The following MPPED1 variants were observed in gnomAD, a reference collection of about 807,000 sequenced individuals.
MPPED1 encodes metallophosphoesterase domain-containing protein 1.
MPPED1 carries 16 observed loss-of-function variants against 36.2 expected under a neutral mutation model. The ratio of observed to expected loss-of-function variants is 0.44; its 90% confidence interval spans 0.30 to 0.67. The LOEUF (loss-of-function observed/expected upper bound fraction) is 0.67. Among genes scored for constraint, MPPED1 ranks in the 30% least tolerant of loss-of-function variants. The pLI, the probability that MPPED1 is intolerant of heterozygous loss-of-function variation, is 0.10. For missense variants in MPPED1, 307 were observed against 453.4 expected (o/e 0.68, Z 2.93); for synonymous variants, 199 against 191.3 (o/e 1.04, Z -0.33).
At chr22:43,462,987 T>A (rs896590905) in intron 3 of MPPED1, among the ~76,000 whole-genome samples, 1 of 152,234 alleles carries the variant, frequency 6.6e-6, no homozygotes, top group Non-Finnish European at 1.5e-5. Flanking sequence ...AGATCTTTAT[T>A]CTGTCCTGTC....
chr22:43,464,940 C>T (rs926177223), intron 3 of MPPED1, among the ~76,000 whole-genome samples: 18 of 152,206 alleles, frequency 1.2e-4, no homozygotes, highest in Non-Finnish European at 2.2e-4. Flanking sequence ...TTCAGAATCC[C>T]GTCCTATACA....
chr22:43,469,593 T>C (rs1931296636), intron 3 of MPPED1, among the ~76,000 whole-genome samples: 1 of 115,564 alleles, frequency 8.7e-6, no homozygotes, highest in South Asian at 2.9e-4. Flanking sequence ...GGTCAGGCCA[T>C]GCTGGGACTT....
chr22:43,422,538 G>A (rs530774275), intron 1 of MPPED1, among the ~76,000 whole-genome samples: 1 of 152,298 alleles, frequency 6.6e-6, no homozygotes, highest in Non-Finnish European at 1.5e-5. Context: ...AAGTAGAGAT[G>A]TGATGTGGTC....
At chr22:43,497,529 G>A (rs1932458239) in intron 4 of MPPED1, among the ~76,000 whole-genome samples, 1 of 152,068 alleles carries the variant, frequency 6.6e-6, no homozygotes, top group African/African-American at 2.4e-5. Flanking sequence ...GAGACTGCCT[G>A]CAATTGGAAG....
intron 4 of MPPED1, among the ~76,000 whole-genome samples, chr22:43,481,283 A>G (rs771939050): frequency 2.6e-5 from 4 of 152,142 alleles, no homozygotes; most frequent in Admixed American, 6.5e-5. Context: ...TAGAAAGCCT[A>G]TCCTCTTTAC....
chr22:43,486,715 G>C (rs942953555), intron 4 of MPPED1, among the ~76,000 whole-genome samples: 1 of 151,980 alleles, frequency 6.6e-6, no homozygotes, highest in Non-Finnish European at 1.5e-5. Context: ...CCTGCACCCC[G>C]GGAAATGGGG....
intron 3 of MPPED1, among the ~76,000 whole-genome samples, chr22:43,444,764 C>T (rs544412835): frequency 6.6e-6 from 1 of 151,724 alleles, no homozygotes; most frequent in African/African-American, 2.4e-5. Context: ...AGATTCATTT[C>T]TCTGAAAGTC....
At chr22:43,414,441 A>G (rs920679280) in intron 1 of MPPED1, among the ~76,000 whole-genome samples, 3 of 152,188 alleles carry the variant, frequency 2.0e-5, no homozygotes, top group African/African-American at 7.2e-5. Flanking sequence ...CTGGAAAAAA[A>G]GAAAACCCTC....
rs1463200938 is a variant in MPPED1 at position 43,498,309 on chromosome 22, C to T, written c.707C>T (p.Pro236Leu). The T allele has an allele frequency of 6.5e-7, 1 of 1,535,404 alleles. No individual in the cohort carries two copies. Among genetic ancestry groups the T allele is most frequent in the South Asian group, 1.2e-5 (1 of 84,036 alleles). Reference sequence around the variant, plus strand: ...CTGCTGGAGAAATGGAACCTCATTCCCGAAGGCGTAGACATCCTGATAACC... The same window carrying T: ...CTGCTGGAGAAATGGAACCTCATTCTCGAAGGCGTAGACATCCTGATAACC... Reference protein sequence around the residue: ...QALLEKWNLIPEGVDILITHG... With the variant: ...QALLEKWNLILEGVDILITHG... The change falls in exon 5 of 7, where the codon CCC (proline) becomes CTC (leucine). Residue 236 changes from proline to leucine, a missense_variant. Physicochemically the swap from Pro to Leu is moderately conservative, Grantham distance 98. Transcript: ENST00000443721.
chr22:43,447,883 A>ATATATATTT lies in MPPED1; in HGVS notation c.406+12669_406+12670insATATATTTT, dbSNP rs1321289636. On this transcript the variant is annotated intron_variant, in intron 3 of 6. Transcript: ENST00000443721. Reference sequence around the variant, plus strand: ...ATTATATATATATATATATATATATATTTTTTTTTTTTTTAGACAAAGTCT... The same window carrying ATATATATTT: ...ATTATATATATATATATATATATATATATATATTTTTTTTTTTTTTTTTAGACAAAGTCT... Among the ~76,000 whole-genome samples the ATATATATTT allele has an allele frequency of 2.4e-3, 162 of 67,704 alleles. 1 individual carries two copies. The highest frequency in any genetic ancestry group is 7.3e-3 in the African/African-American group (109 of 14,938). 44.4% of individuals were successfully genotyped at this position (67,704 alleles called of 152,430 possible).
intron 5 of MPPED1, among the ~76,000 whole-genome samples, chr22:43,500,620 A>AT (rs1199732373): frequency 1.3e-5 from 2 of 151,588 alleles, no homozygotes; most frequent in African/African-American, 2.4e-5. Flanking sequence ...AGTTCGGCCC[A>AT]TATCAGTGTC....
chr22:43,458,994 T>A (rs531349104), intron 3 of MPPED1, among the ~76,000 whole-genome samples: 2 of 152,342 alleles, frequency 1.3e-5, no homozygotes, highest in South Asian at 2.1e-4. Context: ...TGTTTGGAGT[T>A]ACTTGAAGTT....
intron 1 of MPPED1, among the ~76,000 whole-genome samples, chr22:43,424,054 G>A (rs957563722): frequency 7.2e-5 from 11 of 152,138 alleles, no homozygotes; most frequent in Non-Finnish European, 1.3e-4. Flanking sequence ...CCCAAGGTGG[G>A]GTCGGTTGGA....
chr22:43,487,951 C>T (rs1208004219), intron 4 of MPPED1, among the ~76,000 whole-genome samples: 1 of 152,308 alleles, frequency 6.6e-6, no homozygotes, highest in East Asian at 1.9e-4. Context: ...ACATTTTCAT[C>T]ACTCTGGGAT....
At chr22:43,453,492 T>C (rs894432170) in intron 3 of MPPED1, among the ~76,000 whole-genome samples, 3 of 152,178 alleles carry the variant, frequency 2.0e-5, no homozygotes, top group African/African-American at 7.2e-5. Context: ...GAACCAGGTA[T>C]AGCCTTCCAG....
intron 1 of MPPED1, among the ~76,000 whole-genome samples, chr22:43,415,956 C>T (rs1404582372): frequency 6.6e-6 from 1 of 152,350 alleles, no homozygotes; most frequent in African/African-American, 2.4e-5. Flanking sequence ...CAATTTCTAA[C>T]ACTCTCATCG....
chr22:43,495,464 C>CTGGTGATGGTGGAGG lies in MPPED1; in HGVS notation c.633-2765_633-2751dup, dbSNP rs1932246529. On this transcript the variant is annotated intron_variant, in intron 4 of 6. Transcript: ENST00000443721. ...AGTAATGGAGGTGGTGGTGGAAGTG[C>CTGGTGATGGTGGAGG]TGGTGATGGTGGAGGTGGTGGTGGA... Among the ~76,000 whole-genome samples, 6 of 67,606 alleles carry CTGGTGATGGTGGAGG rather than the reference C, an allele frequency of 8.9e-5. 1 individual carries two copies. The South Asian group carries it at 2.3e-3, about 26-fold the overall frequency. The allele number at this position is 67,606 out of a possible 152,430, so 44.4% of individuals were successfully genotyped here.
chr22:43,449,305 A>G (rs1930474211), intron 3 of MPPED1, among the ~76,000 whole-genome samples: 1 of 152,032 alleles, frequency 6.6e-6, no homozygotes, highest in Non-Finnish European at 1.5e-5. Context: ...CACTTGACAG[A>G]TGAGGAGACT....
chr22:43,492,348 A>G (rs144373948), intron 4 of MPPED1, among the ~76,000 whole-genome samples: 94,311 of 152,018 alleles, frequency 0.62, 30,758 homozygotes, highest in African/African-American at 0.84. Context: ...TGTGCATGTC[A>G]GGGGTGATAC....
Sources: gnomAD v4.1 joint callset for allele counts (sites outside exome capture counted in the v4.1 genomes callset) on GRCh38, gnomAD v4.1.1 for gene constraint, MANE v1.5 for transcripts, NCBI Gene and HGNC (gene_info 2026-07-23, HGNC 2026-07-21) for gene names.